Variants in FAM13C observed in about 807,000 individuals in gnomAD.
FAM13C encodes protein FAM13C.
A neutral mutation model predicts 73.2 loss-of-function variants in FAM13C; 37 were observed. That is an observed-to-expected ratio of 0.51 (90% CI 0.39 to 0.67). The LOEUF (loss-of-function observed/expected upper bound fraction) is 0.67, where lower values mean the gene tolerates loss of function less well. Ranked by LOEUF, FAM13C falls within the 30% of genes least tolerant of loss-of-function variation. The pLI is 0.00. For missense variants in FAM13C, 589 were observed against 715.6 expected (o/e 0.82, Z 2.02); for synonymous variants, 246 against 260.9 (o/e 0.94, Z 0.55).
In FAM13C at chr10:59,262,575, C is replaced by T. The variant is rs1181179036; in HGVS notation, c.1095G>A (p.Glu365=). 1 of 1,613,818 alleles carries T rather than the reference C, an allele frequency of 6.2e-7. No individual in the cohort carries two copies. The highest frequency in any genetic ancestry group is 2.2e-5 in the East Asian group (1 of 44,876). ...CATTTTCTCTGGGGACTGTGGGTTG[C>T]TCACACAACAGGTTTCTAGGTGGAC... ...PKGPPRNLLC[E]QPTVPRENGK... is the part of the protein sequence containing the mutation. The change falls in exon 10 of 14, where the codon GAG becomes GAA. Residue 365 remains glutamate (E), a synonymous_variant. Transcript: ENST00000618804.
At chr10:59,333,942 CT>C (rs1211643984) in intron 3 of FAM13C, among the ~76,000 whole-genome samples, 1 of 152,206 alleles carries the variant, frequency 6.6e-6, no homozygotes, top group East Asian at 1.9e-4. Flanking sequence ...TCCAACTGTT[CT>C]GACAAAATGT....
chr10:59,305,408 G>A (rs12184347), intron 4 of FAM13C, among the ~76,000 whole-genome samples: 9,211 of 152,090 alleles, frequency 0.061, 605 homozygotes, highest in African/African-American at 0.16. Flanking sequence ...CTTATAAAAA[G>A]GCCAGTTATC....
chr10:59,304,688 A>G (rs906802745), intron 4 of FAM13C, among the ~76,000 whole-genome samples: 1 of 150,690 alleles, frequency 6.6e-6, no homozygotes, highest in Non-Finnish European at 1.5e-5. Flanking sequence ...AATCTGTACA[A>G]CAAACCCGCA....
At chr10:59,319,014 A>G (rs1006119767) in intron 4 of FAM13C, among the ~76,000 whole-genome samples, 2 of 151,754 alleles carry the variant, frequency 1.3e-5, no homozygotes, top group Admixed American at 6.6e-5. Flanking sequence ...AGCAGAACTC[A>G]TTAAGACTCT....
intron 3 of FAM13C, among the ~76,000 whole-genome samples, chr10:59,324,409 G>T (rs1250366223): frequency 1.3e-5 from 2 of 151,992 alleles, no homozygotes; most frequent in African/African-American, 4.8e-5. Context: ...AAGAATATTG[G>T]ATGAATAGAT....
chr10:59,270,133 A>G lies in FAM13C; in HGVS notation c.593-24T>C, dbSNP rs759891121. ...GTCTGGGCAAATGAGACAAATCATC[A>G]AGACTTAGAAGTGACAGAGGGCTTG... is the stretch of plus-strand genomic sequence containing the variant. On this transcript the variant is annotated intron_variant, in intron 6 of 13. Coordinates refer to ENST00000618804, the MANE Select transcript of FAM13C (RefSeq NM_198215.4). 2.5e-6 allele frequency: 4 copies of G among 1,603,344 alleles called. No homozygotes were observed. The South Asian group carries it at 4.4e-5, about 18-fold the overall frequency.
chr10:59,317,653 C>G (rs181925946), intron 4 of FAM13C, among the ~76,000 whole-genome samples: 2 of 152,134 alleles, frequency 1.3e-5, no homozygotes, highest in Non-Finnish European at 2.9e-5. Flanking sequence ...GAAAAGCACA[C>G]TGCTATACAT....
intron 4 of FAM13C, among the ~76,000 whole-genome samples, chr10:59,305,755 A>T (rs1360649039): frequency 6.6e-6 from 1 of 152,230 alleles, no homozygotes; most frequent in Non-Finnish European, 1.5e-5. Flanking sequence ...ACAAACCAGC[A>T]TTTCCCTCCT....
chr10:59,248,681 T>C (rs1230176195), intron 13 of FAM13C, among the ~76,000 whole-genome samples: 4 of 152,226 alleles, frequency 2.6e-5, no homozygotes, highest in African/African-American at 9.6e-5. Context: ...CTAATGTTAG[T>C]ATGGCTGAAA....
intron 4 of FAM13C, among the ~76,000 whole-genome samples, chr10:59,307,006 C>T (rs1308320008): frequency 6.6e-6 from 1 of 151,200 alleles, no homozygotes; most frequent in Non-Finnish European, 1.5e-5. Flanking sequence ...GAAAGAGATG[C>T]GGTAATCAAA....
chr10:59,362,292 A>C, intron 1 of FAM13C, 107 bp downstream of exon 1: 2 of 1,425,476 alleles, frequency 1.4e-6, no homozygotes, highest in Non-Finnish European at 1.9e-6. Flanking sequence ...TCCGGGAGAC[A>C]ATGCATCTAA....
At chr10:59,278,820 T>C (rs1006533266) in intron 6 of FAM13C, among the ~76,000 whole-genome samples, 1 of 147,076 alleles carries the variant, frequency 6.8e-6, no homozygotes, top group Non-Finnish European at 1.5e-5. Context: ...GAAGTCTCGA[T>C]GTCACATACA....
intron 1 of FAM13C, among the ~76,000 whole-genome samples, chr10:59,357,734 C>T (rs1175765201): frequency 7.2e-5 from 11 of 152,152 alleles, no homozygotes; most frequent in East Asian, 1.9e-4. Context: ...GTCTCAGACA[C>T]GTTTTAAACA....
intron 5 of FAM13C, among the ~76,000 whole-genome samples, chr10:59,292,005 G>A (rs201362313): frequency 3.9e-5 from 6 of 152,122 alleles, no homozygotes; most frequent in East Asian, 3.9e-4. Context: ...AGCCAGGATG[G>A]TCTCTATCTC....
chr10:59,328,501 A>C (rs2134073436), intron 3 of FAM13C, among the ~76,000 whole-genome samples: 1 of 152,248 alleles, frequency 6.6e-6, no homozygotes, highest in South Asian at 2.1e-4. Context: ...ACAAAACAAA[A>C]CAAAACAAAA....
chr10:59,251,076 T>C (rs964217160), intron 13 of FAM13C: 1 of 158,330 alleles, frequency 6.3e-6, no homozygotes, highest in African/African-American at 2.4e-5. Flanking sequence ...GCTAACCATT[T>C]ATTTAAGAAG....
At chr10:59,306,307 T>A (rs532946899) in intron 4 of FAM13C, among the ~76,000 whole-genome samples, 1 of 152,296 alleles carries the variant, frequency 6.6e-6, no homozygotes, top group African/African-American at 2.4e-5. Context: ...ACTCACATGA[T>A]CTTCCAAGGA....
chr10:59,319,863 C>T (rs1849987249), intron 4 of FAM13C, among the ~76,000 whole-genome samples: 1 of 152,172 alleles, frequency 6.6e-6, no homozygotes, highest in Non-Finnish European at 1.5e-5. Context: ...AATAACCCAA[C>T]CCTTCCACTC....
intron 13 of FAM13C, among the ~76,000 whole-genome samples, chr10:59,250,045 T>C (rs531454408): frequency 1.7e-4 from 26 of 152,162 alleles, no homozygotes; most frequent in African/African-American, 6.0e-4. Flanking sequence ...ATGAAAAGAG[T>C]GTACGCACAT....
Sources: allele counts gnomAD v4.1 joint callset (sites outside exome capture counted in the v4.1 genomes callset), GRCh38; gene constraint gnomAD v4.1.1; transcripts MANE v1.5; gene names NCBI Gene and HGNC (gene_info 2026-07-23, HGNC 2026-07-21).